The following GABBR2 variants were observed in gnomAD, a reference collection of about 807,000 sequenced individuals.
The protein encoded by GABBR2 is gamma-aminobutyric acid type B receptor subunit 2, also known as G-protein coupled receptor 51.
Under a neutral mutation model 105.6 loss-of-function variants are expected in GABBR2, and 23 were observed. That is an observed-to-expected ratio of 0.22 (90% CI 0.16 to 0.31). The LOEUF (loss-of-function observed/expected upper bound fraction) is 0.31, where lower values mean the gene tolerates loss of function less well. GABBR2 is among the 10% of genes least tolerant of loss of function. The pLI, the probability that GABBR2 is intolerant of heterozygous loss-of-function variation, is 1.00. For missense variants in GABBR2, 734 were observed against 1,245.5 expected (o/e 0.59, Z 6.18); for synonymous variants, 478 against 499.7 (o/e 0.96, Z 0.58).
intron 18 of GABBR2, 27 bp from the exon 19 acceptor site, chr9:98,290,776 T>C: frequency 7.0e-7 from 1 of 1,437,852 alleles, no homozygotes; most frequent in South Asian, 1.6e-5. Flanking sequence ...GGAGGAGTGT[T>C]AGTGAAGGGT....
chr9:98,374,779 G>A (rs1195289377), intron 11 of GABBR2, among the ~76,000 whole-genome samples: 1 of 152,138 alleles, frequency 6.6e-6, no homozygotes. Context: ...CCTGGACTTT[G>A]CCTCCCCACG....
chr9:98,383,494 G>C (rs562629361), intron 11 of GABBR2, among the ~76,000 whole-genome samples: 24 of 152,330 alleles, frequency 1.6e-4, no homozygotes, highest in African/African-American at 5.5e-4. Flanking sequence ...TGAGTGGGAA[G>C]AGTGAACCAA....
chr9:98,401,534 G>T (rs530528847), intron 8 of GABBR2, among the ~76,000 whole-genome samples: 1 of 152,296 alleles, frequency 6.6e-6, no homozygotes, highest in Admixed American at 6.5e-5. Context: ...CCACATTTCC[G>T]TGTGTCCCCT....
At chr9:98,402,303 C>G (rs879454661) in intron 8 of GABBR2, among the ~76,000 whole-genome samples, 1 of 152,088 alleles carries the variant, frequency 6.6e-6, no homozygotes, top group African/African-American at 2.4e-5. Context: ...GTTTAGACTT[C>G]GGCAGTAACA....
intron 2 of GABBR2, among the ~76,000 whole-genome samples, chr9:98,571,004 A>G (rs1459984447): frequency 6.6e-6 from 1 of 152,194 alleles, no homozygotes; most frequent in Admixed American, 6.5e-5. Context: ...CCAGGCCTGT[A>G]CCAGGCCGAG....
intron 14 of GABBR2, among the ~76,000 whole-genome samples, chr9:98,309,997 G>A (rs1034856293): frequency 6.6e-6 from 1 of 152,188 alleles, no homozygotes; most frequent in Non-Finnish European, 1.5e-5. Context: ...TTGACTTTTG[G>A]AGAGAGGGCT....
intron 7 of GABBR2, among the ~76,000 whole-genome samples, chr9:98,437,974 A>G (rs574460336): frequency 1.3e-5 from 2 of 151,152 alleles, no homozygotes; most frequent in East Asian, 3.9e-4. Context: ...CCATGCATCC[A>G]TCTACCCACA....
chr9:98,672,324 C>T (rs898956816), intron 1 of GABBR2, among the ~76,000 whole-genome samples: 1 of 152,204 alleles, frequency 6.6e-6, no homozygotes, highest in Admixed American at 6.5e-5. Context: ...CTTTTTGTAA[C>T]TGGCTCATTT....
At chr9:98,613,350 G>A (rs1399780820) in intron 1 of GABBR2, among the ~76,000 whole-genome samples, 1 of 151,700 alleles carries the variant, frequency 6.6e-6, no homozygotes, top group East Asian at 1.9e-4. Flanking sequence ...TGAGGCACAA[G>A]AATCGCGTGA....
chr9:98,697,227 T>C (rs544460544), intron 1 of GABBR2, among the ~76,000 whole-genome samples: 123 of 152,028 alleles, frequency 8.1e-4, no homozygotes, highest in Admixed American at 4.7e-3. Flanking sequence ...CGCGGTGGCT[T>C]ACGCCTGTAA....
At chr9:98,360,571 G>A (rs1831565198) in intron 13 of GABBR2, among the ~76,000 whole-genome samples, 2 of 152,150 alleles carry the variant, frequency 1.3e-5, no homozygotes, top group African/African-American at 4.8e-5. Context: ...AGGCACTTCT[G>A]CAGCACCCTG....
At position 98,378,681 on chromosome 9, in the gene GABBR2, G is replaced by A. The variant is rs561240788; in HGVS notation, c.1662+6959C>T. Among the ~76,000 whole-genome samples the A allele has an allele frequency of 3.1e-4, 47 of 152,288 alleles. 1 individual carries two copies. Among genetic ancestry groups the A allele is most frequent in the Admixed American group, 2.6e-3 (40 of 15,302 alleles). ...ACCCCCAGGTGGCTCAGTGCACACT[G>A]AGTAGCACTGTCTGTGCATGCAGGA... On this transcript the variant is annotated intron_variant, in intron 11 of 18. Transcript: ENST00000259455.
chr9:98,339,914 G>C (rs908235688), intron 13 of GABBR2, among the ~76,000 whole-genome samples: 19 of 152,096 alleles, frequency 1.2e-4, no homozygotes, highest in African/African-American at 4.6e-4. Flanking sequence ...CTTTCCTTCT[G>C]GGCACACGGT....
rs543846570 is a variant in GABBR2, at chr9:98,418,365, G to A, written c.1237-12224C>T. The stretch of plus-strand genomic sequence containing the variant: ...AGGCTAGGCAACATAGCGAGACCCC[G>A]TCCCTATAAAAAATAAAAAATTAAC... On this transcript the variant is annotated intron_variant, in intron 7 of 18. Coordinates refer to ENST00000259455, the MANE Select transcript of GABBR2 (RefSeq NM_005458.8). Among the ~76,000 whole-genome samples, 33 of 152,078 alleles carry A rather than the reference G, an allele frequency of 2.2e-4. No individual in the cohort carries two copies. In the South Asian group the frequency reaches 5.6e-3, roughly 26 times the overall value.
intron 9 of GABBR2, among the ~76,000 whole-genome samples, chr9:98,390,999 A>G (rs1378559595): frequency 6.6e-6 from 1 of 152,200 alleles, no homozygotes; most frequent in Non-Finnish European, 1.5e-5. Context: ...TAACAGCAGA[A>G]GTCCTGAGTT....
chr9:98,405,890 T>C (rs55819102), intron 8 of GABBR2, among the ~76,000 whole-genome samples, 191 bp downstream of exon 8: 84 of 149,308 alleles, frequency 5.6e-4, no homozygotes, highest in Non-Finnish European at 1.0e-3. Context: ...GGGCTGATCA[T>C]GATGCGGCTG....
intron 1 of GABBR2, among the ~76,000 whole-genome samples, chr9:98,699,627 G>A (rs1221033353): frequency 1.3e-5 from 2 of 152,176 alleles, no homozygotes; most frequent in East Asian, 3.9e-4. Context: ...GACACACCCA[G>A]TGCCTGCCCT....
At chr9:98,509,046 G>A (rs1033930339) in intron 3 of GABBR2, among the ~76,000 whole-genome samples, 37 of 152,136 alleles carry the variant, frequency 2.4e-4, no homozygotes, top group Non-Finnish European at 2.2e-4. Flanking sequence ...CACCTCACAC[G>A]ACTGGGTACT....
chr9:98,620,044 G>A (rs535256349), intron 1 of GABBR2, among the ~76,000 whole-genome samples: 2 of 152,312 alleles, frequency 1.3e-5, no homozygotes, highest in East Asian at 1.9e-4. Context: ...TGAGAAACCC[G>A]TGAGATAGTA....
Sources: allele counts gnomAD v4.1 joint callset (sites outside exome capture counted in the v4.1 genomes callset), GRCh38; gene constraint gnomAD v4.1.1; transcripts MANE v1.5; gene names NCBI Gene and HGNC (gene_info 2026-07-23, HGNC 2026-07-21).